PLD5: variants seen among roughly 807,000 people sequenced by gnomAD.
PLD5 encodes the protein phospholipase D family member 5, also known as inactive phospholipase D5.
A neutral mutation model predicts 61.1 loss-of-function variants in PLD5; 36 were observed. The observed-to-expected ratio is 0.59, with a 90% confidence interval of 0.45 to 0.78. The LOEUF (loss-of-function observed/expected upper bound fraction) is 0.78. Among genes scored for constraint, PLD5 ranks in the 30% least tolerant of loss-of-function variants. PLD5 has a pLI of 0.00. For missense variants in PLD5, 515 were observed against 644.4 expected, an observed-to-expected ratio of 0.80 and a Z score of 2.17; for synonymous variants, 243 against 242.8, an observed-to-expected ratio of 1.00 and a Z score of -0.01.
chr1:242,165,013 CT>C (rs1459454176), intron 5 of PLD5, among the ~76,000 whole-genome samples: 1 of 152,096 alleles, frequency 6.6e-6, no homozygotes, highest in Non-Finnish European at 1.5e-5. Context: ...CTTACAAAAG[CT>C]TTTCCCTAAG....
intron 5 of PLD5, among the ~76,000 whole-genome samples, chr1:242,159,539 T>C (rs762469401): frequency 4.6e-5 from 7 of 152,168 alleles, no homozygotes; most frequent in Non-Finnish European, 8.8e-5. Context: ...ACTGTGTTTA[T>C]GGTTCTCCGA....
In PLD5 at chr1:242,105,381, G is replaced by A. The variant is rs554007315; in HGVS notation, c.1239+2290C>T. ...TAGGATTACAGGTGTGCACCACCACGCCCAGCTAATTTTTGTATTTTTACT... is the reference window on the plus strand; with the variant it reads ...TAGGATTACAGGTGTGCACCACCACACCCAGCTAATTTTTGTATTTTTACT... On this transcript the variant is annotated intron_variant, in intron 8 of 9. Transcript: ENST00000536534. Among the ~76,000 whole-genome samples, 88 of 151,636 alleles carry A rather than the reference G, an allele frequency of 5.8e-4. 3 individuals carry two copies. The South Asian group carries it at 0.016, about 28-fold the overall frequency.
At chr1:242,097,607 C>T (rs1011043285) in intron 9 of PLD5, among the ~76,000 whole-genome samples, 5 of 151,820 alleles carry the variant, frequency 3.3e-5, no homozygotes, top group Admixed American at 1.3e-4. Flanking sequence ...GTTTTTTTCT[C>T]GTAAATTTGT....
chr1:242,333,590 T>C (rs373526096), intron 2 of PLD5, among the ~76,000 whole-genome samples: 4 of 152,162 alleles, frequency 2.6e-5, no homozygotes, highest in African/African-American at 7.2e-5. Flanking sequence ...GTACCATTTT[T>C]ACCATTTTTA....
chr1:242,213,215 A>G (rs1228639568), intron 5 of PLD5, among the ~76,000 whole-genome samples: 2 of 152,224 alleles, frequency 1.3e-5, no homozygotes, highest in Non-Finnish European at 2.9e-5. Context: ...ATTTGCGTTT[A>G]CAATAATGAA....
intron 1 of PLD5, among the ~76,000 whole-genome samples, chr1:242,397,661 T>G (rs533805280): frequency 6.6e-6 from 1 of 152,248 alleles, no homozygotes; most frequent in Admixed American, 6.5e-5. Context: ...TCTACAGCAA[T>G]GTACTCCCTC....
At chr1:242,437,128 G>C (rs1666032654) in intron 1 of PLD5, among the ~76,000 whole-genome samples, 1 of 152,148 alleles carries the variant, frequency 6.6e-6, no homozygotes, top group Non-Finnish European at 1.5e-5. Flanking sequence ...AAGATGATCT[G>C]TAAGAACTCT....
At chr1:242,185,384 T>C (rs1667809448) in intron 5 of PLD5, among the ~76,000 whole-genome samples, 1 of 152,200 alleles carries the variant, frequency 6.6e-6, no homozygotes, top group Non-Finnish European at 1.5e-5. Flanking sequence ...AATGGAATTA[T>C]TAGATGCATG....
At chr1:242,170,341 G>A (rs1203105806) in intron 5 of PLD5, among the ~76,000 whole-genome samples, 2 of 152,138 alleles carry the variant, frequency 1.3e-5, no homozygotes, top group African/African-American at 4.8e-5. Context: ...ACAGCAGAGG[G>A]GCCTGTTAGA....
chr1:242,423,126 C>T (rs1026308493), intron 1 of PLD5, among the ~76,000 whole-genome samples: 2 of 152,104 alleles, frequency 1.3e-5, no homozygotes, highest in Non-Finnish European at 2.9e-5. Flanking sequence ...GCTGAGATTA[C>T]AGGTGAGAGC....
intron 1 of PLD5, among the ~76,000 whole-genome samples, chr1:242,402,940 CAACT>C (rs1464416665): frequency 1.3e-5 from 2 of 152,184 alleles, no homozygotes; most frequent in Non-Finnish European, 2.9e-5. Context: ...CACACAGTGA[CAACT>C]AAAAACAACA....
chr1:242,242,360 C>A (rs772911550), intron 4 of PLD5, among the ~76,000 whole-genome samples: 3 of 152,168 alleles, frequency 2.0e-5, no homozygotes, highest in Non-Finnish European at 2.9e-5. Context: ...CAAACAGCCA[C>A]GCTTTACCAA....
chr1:242,373,102 AAAC>A (rs1198019619), intron 1 of PLD5, among the ~76,000 whole-genome samples: 1 of 152,214 alleles, frequency 6.6e-6, no homozygotes, highest in East Asian at 1.9e-4. Flanking sequence ...TACAAGAAAA[AAAC>A]AACAACCCCA....
rs761114843 is a variant in PLD5 at position 242,083,152 on chromosome 1, G to T, written c.*6702C>A. ...AAGACCTCAAATTGTCTTGACTGCA[G>T]AAGTAACTGCTGTCACTGTTCTCAG... On this transcript the variant is annotated 3_prime_UTR_variant, in exon 10 of 10. Transcript: ENST00000536534. 2.0e-5 allele frequency: 3 copies of T among 152,160 alleles called. No homozygotes were observed. The highest frequency in any genetic ancestry group is 4.4e-5 in the Non-Finnish European group (3 of 68,040). 9.4% of individuals were successfully genotyped at this position (152,160 alleles called of 1,614,324 possible). A position where few individuals can be genotyped will look rare whatever the true frequency, so the allele number is the denominator to read the frequency against.
intron 1 of PLD5, among the ~76,000 whole-genome samples, chr1:242,461,480 T>A (rs1667117285): frequency 6.6e-6 from 1 of 152,214 alleles, no homozygotes. Flanking sequence ...TTGCCTTTTA[T>A]TTTTAAAAAG....
chr1:242,345,414 G>A (rs1254623053), intron 2 of PLD5: 1 of 488,088 alleles, frequency 2.0e-6, no homozygotes, highest in Non-Finnish European at 3.8e-6. Context: ...GGGTGAAGTG[G>A]ATATTAAATG....
intron 1 of PLD5, among the ~76,000 whole-genome samples, chr1:242,382,416 T>C (rs1662350684): frequency 6.6e-6 from 1 of 152,056 alleles, no homozygotes; most frequent in Non-Finnish European, 1.5e-5. Flanking sequence ...GAGGAGGATG[T>C]GCCAAGAACA....
chr1:242,397,688 C>T (rs1050971979), intron 1 of PLD5, among the ~76,000 whole-genome samples: 3 of 152,032 alleles, frequency 2.0e-5, no homozygotes, highest in African/African-American at 7.2e-5. Context: ...TACCTAGTTA[C>T]TTTAAGACTA....
intron 5 of PLD5, among the ~76,000 whole-genome samples, chr1:242,205,461 T>C (rs1669262842): frequency 6.6e-6 from 1 of 152,170 alleles, no homozygotes; most frequent in Non-Finnish European, 1.5e-5. Flanking sequence ...TTGTAAAAGA[T>C]AAGAGACTTC....
Sources: gnomAD v4.1 joint callset for allele counts (sites outside exome capture counted in the v4.1 genomes callset) on GRCh38, gnomAD v4.1.1 for gene constraint, MANE v1.5 for transcripts, NCBI Gene and HGNC (gene_info 2026-07-23, HGNC 2026-07-21) for gene names.